The following IL1RAPL1 variants were observed in gnomAD, a reference collection of about 807,000 sequenced individuals.
IL1RAPL1 encodes interleukin 1 receptor accessory protein like 1.
In IL1RAPL1, 3 loss-of-function variants were observed where a neutral mutation model predicts 48.4. The ratio of observed to expected loss-of-function variants is 0.06; its 90% CI spans 0.03 to 0.16. IL1RAPL1 has a LOEUF of 0.16. IL1RAPL1 is among the 10% of genes least tolerant of loss of function. The probability of loss-of-function intolerance (pLI) is 1.00; values close to 1 mark genes in which losing one functional copy is unlikely to be tolerated. For synonymous variants in IL1RAPL1, 185 were observed against 187.7 expected, an observed-to-expected ratio of 0.99 and a Z score of 0.12; for missense variants, 349 against 530.6, an observed-to-expected ratio of 0.66 and a Z score of 3.36.
At chrX:29,230,509 A>AAAAAAAAAAC (rs1555978789) in intron 2 of IL1RAPL1, among the ~76,000 whole-genome samples, 1 of 71,435 alleles carries the variant, frequency 1.4e-5, no homozygotes, top group East Asian at 6.8e-4. Flanking sequence ...TTTACCAAAA[A>AAAAAAAAAAC]AAAAAAAAAA....
chrX:29,611,370 A>G (rs1218737953), intron 5 of IL1RAPL1, among the ~76,000 whole-genome samples: 1 of 112,156 alleles, frequency 8.9e-6, no homozygotes, highest in Non-Finnish European at 1.9e-5. Context: ...ACCAATTGTC[A>G]TTTAAACATT....
At chrX:29,407,242 C>T in intron 5 of IL1RAPL1, among the ~76,000 whole-genome samples, 1 of 111,575 alleles carries the variant, frequency 9.0e-6, no homozygotes, top group East Asian at 2.8e-4. Context: ...CCCTTCCTCT[C>T]CACTACTGGA....
chrX:29,918,291 G>A lies in IL1RAPL1; in HGVS notation c.911+695G>A, dbSNP rs181015240. Among the ~76,000 whole-genome samples the A allele has an allele frequency of 1.5e-3, 140 of 94,823 alleles. 1 individual carries two copies. Among genetic ancestry groups the A allele is most frequent in the African/African-American group, 4.4e-3 (114 of 25,774 alleles). 82.3% of individuals were successfully genotyped at this position (94,823 alleles called of 115,157 possible). A position where few individuals can be genotyped will look rare whatever the true frequency, so the allele number is the denominator to read the frequency against. On this transcript the variant is annotated intron_variant, in intron 7 of 10. Coordinates refer to ENST00000378993, the MANE Select transcript of IL1RAPL1 (RefSeq NM_014271.4). ...GGAGGCCGAGGTGGGCGGATCACCT[G>A]AGGTCAAGAGTTTGAGACCAGCCTG... is the stretch of plus-strand genomic sequence containing the variant.
chrX:29,026,704 G>GATAAATAA (rs1327496559), intron 2 of IL1RAPL1, among the ~76,000 whole-genome samples: 1 of 111,841 alleles, frequency 8.9e-6, no homozygotes, highest in Non-Finnish European at 1.9e-5. Context: ...ATTTTTAGGT[G>GATAAATAA]AGATAATGGC....
At chrX:29,298,496 T>C (rs956122064) in intron 3 of IL1RAPL1, among the ~76,000 whole-genome samples, 3 of 112,122 alleles carry the variant, frequency 2.7e-5, no homozygotes, top group East Asian at 5.6e-4. Flanking sequence ...CTTTCACATG[T>C]ACTCTTGTCT....
At chrX:29,848,877 C>T (rs777296629) in intron 6 of IL1RAPL1, among the ~76,000 whole-genome samples, 11 of 110,902 alleles carry the variant, frequency 9.9e-5, no homozygotes, top group Non-Finnish European at 1.7e-4. Context: ...AGCAATTTTC[C>T]TGCCTTAGCC....
chrX:29,178,295 G>A (rs1384570642), intron 2 of IL1RAPL1, among the ~76,000 whole-genome samples: 1 of 111,961 alleles, frequency 8.9e-6, no homozygotes, highest in Admixed American at 9.5e-5. Context: ...TCTAACTGGT[G>A]TGAAATGGTA....
intron 1 of IL1RAPL1, among the ~76,000 whole-genome samples, chrX:28,773,204 G>A (rs1778401805): frequency 9.0e-6 from 1 of 110,719 alleles, no homozygotes. Context: ...CTTCCTAGTA[G>A]TTGGGACTAC....
intron 1 of IL1RAPL1, among the ~76,000 whole-genome samples, chrX:28,657,662 A>G (rs1339911437): frequency 8.9e-6 from 1 of 112,537 alleles, no homozygotes; most frequent in Non-Finnish European, 1.9e-5. Context: ...GGGCATAAAA[A>G]GGCTAAGAAT....
intron 5 of IL1RAPL1, among the ~76,000 whole-genome samples, chrX:29,532,461 T>C (rs1248545624): frequency 8.9e-6 from 1 of 111,998 alleles, no homozygotes; most frequent in African/African-American, 3.2e-5. Flanking sequence ...ACTCTAAATA[T>C]CTCTCACTTG....
chrX:28,862,989 C>T (rs970267511), intron 2 of IL1RAPL1, among the ~76,000 whole-genome samples: 1 of 110,591 alleles, frequency 9.0e-6, no homozygotes, highest in Admixed American at 9.7e-5. Flanking sequence ...TCAAGTGATT[C>T]TCTCACACAG....
intron 6 of IL1RAPL1, among the ~76,000 whole-genome samples, chrX:29,915,545 A>C (rs1932791083): frequency 9.0e-6 from 1 of 110,864 alleles, no homozygotes; most frequent in African/African-American, 3.3e-5. Context: ...GATTACATGT[A>C]AGTGCATTCT....
intron 3 of IL1RAPL1, among the ~76,000 whole-genome samples, chrX:29,284,138 G>C (rs1189193837): frequency 8.9e-6 from 1 of 112,128 alleles, no homozygotes; most frequent in Non-Finnish European, 1.9e-5. Flanking sequence ...CTCAGAGAAA[G>C]TCTCAGAATC....
chrX:29,006,647 A>ATATATGTGTG (rs1274128284), intron 2 of IL1RAPL1, among the ~76,000 whole-genome samples: 2 of 76,935 alleles, frequency 2.6e-5, no homozygotes, highest in African/African-American at 4.9e-5. Flanking sequence ...GTTTATATAT[A>ATATATGTGTG]TGTGTGTGTG....
intron 6 of IL1RAPL1, among the ~76,000 whole-genome samples, chrX:29,841,500 G>A (rs1931135120): frequency 9.0e-6 from 1 of 111,285 alleles, no homozygotes; most frequent in African/African-American, 3.3e-5. Flanking sequence ...GACTGCATTT[G>A]ATTTTCTTTT....
chrX:29,856,206 T>C (rs1270409284), intron 6 of IL1RAPL1, among the ~76,000 whole-genome samples: 1 of 111,506 alleles, frequency 9.0e-6, no homozygotes, highest in African/African-American at 3.3e-5. Context: ...TATTTGATTT[T>C]AGAAAATACT....
chrX:28,799,986 A>T (rs990856208), intron 2 of IL1RAPL1, among the ~76,000 whole-genome samples: 1 of 111,492 alleles, frequency 9.0e-6, no homozygotes, highest in Non-Finnish European at 1.9e-5. Flanking sequence ...TCTGTAACAA[A>T]TTGTCACAAA....
intron 1 of IL1RAPL1, among the ~76,000 whole-genome samples, chrX:28,658,279 G>A (rs1186392569): frequency 1.8e-5 from 2 of 112,312 alleles, no homozygotes; most frequent in Admixed American, 9.4e-5. Flanking sequence ...GTGCAGAGGT[G>A]TGATCTCGGC....
intron 2 of IL1RAPL1, among the ~76,000 whole-genome samples, chrX:29,101,864 G>C (rs1284696679): frequency 9.0e-6 from 1 of 111,415 alleles, no homozygotes; most frequent in Non-Finnish European, 1.9e-5. Flanking sequence ...TTGAACCCGG[G>C]AGGCGGAGGT....
Sources: gnomAD v4.1 joint callset for allele counts (sites outside exome capture counted in the v4.1 genomes callset) on GRCh38, gnomAD v4.1.1 for gene constraint, MANE v1.5 for transcripts, NCBI Gene and HGNC (gene_info 2026-07-23, HGNC 2026-07-21) for gene names.